The following NAV1 variants were observed in gnomAD, a reference collection of about 807,000 sequenced individuals.
NAV1 encodes pore membrane and/or filament interacting like protein 3.
Under a neutral mutation model 175.2 loss-of-function variants are expected in NAV1, and 18 were observed. The observed-to-expected ratio is 0.10, with a 90% confidence interval of 0.07 to 0.15. The LOEUF (loss-of-function observed/expected upper bound fraction) is 0.15. NAV1 is among the 10% of genes least tolerant of loss of function. NAV1 has a pLI of 1.00. For synonymous variants in NAV1, 897 were observed against 978.7 expected (o/e 0.92, Z 1.56); for missense variants, 1,731 against 2,436.6 (o/e 0.71, Z 6.10).
intron 1 of NAV1, among the ~76,000 whole-genome samples, chr1:201,582,572 C>G (rs1283380721): frequency 6.6e-6 from 1 of 152,188 alleles, no homozygotes; most frequent in Admixed American, 6.5e-5. Context: ...AATCAGCCAG[C>G]CAGCTCCCCC....
chr1:201,765,504 T>C (rs899989698), intron 3 of NAV1, among the ~76,000 whole-genome samples: 1 of 151,680 alleles, frequency 6.6e-6, no homozygotes, highest in Admixed American at 6.6e-5. Context: ...AAGCAATTCT[T>C]GTGCCTCAGC....
intron 1 of NAV1, among the ~76,000 whole-genome samples, chr1:201,540,289 G>T (rs892713896): frequency 6.6e-6 from 1 of 152,214 alleles, no homozygotes; most frequent in East Asian, 1.9e-4. Flanking sequence ...GCTGGCGCCG[G>T]CTTAAGGGAA....
chr1:201,783,313 GA>G, intron 6 of NAV1, 92 bp from the exon 11 acceptor site: 2 of 1,301,004 alleles, frequency 1.5e-6, no homozygotes, highest in Non-Finnish European at 2.1e-6. Flanking sequence ...CAAATAGGCA[GA>G]AAACAAGACT....
chr1:201,587,015 G>A (rs984240021), intron 1 of NAV1, among the ~76,000 whole-genome samples: 4 of 152,036 alleles, frequency 2.6e-5, no homozygotes, highest in African/African-American at 9.7e-5. Context: ...ACCAACTCTG[G>A]CAATATAGCA....
At chr1:201,562,685 C>T (rs751979929) in intron 1 of NAV1, among the ~76,000 whole-genome samples, 3 of 152,196 alleles carry the variant, frequency 2.0e-5, no homozygotes, top group Non-Finnish European at 2.9e-5. Context: ...TTAAGCAGGT[C>T]ATTCTAGGAC....
intron 3 of NAV1, among the ~76,000 whole-genome samples, chr1:201,742,975 T>C (rs528313169): frequency 6.6e-6 from 1 of 152,310 alleles, no homozygotes; most frequent in South Asian, 2.1e-4. Context: ...AATCACCTTT[T>C]CTCATTTTAA....
intron 1 of NAV1, among the ~76,000 whole-genome samples, chr1:201,683,153 C>T (rs1158802933): frequency 1.3e-5 from 2 of 152,110 alleles, no homozygotes; most frequent in African/African-American, 2.4e-5. Flanking sequence ...TCTTTGTTTT[C>T]GATGACCTTG....
chr1:201,811,038 C>T (rs1276738024), intron 24 of NAV1, among the ~76,000 whole-genome samples: 3 of 152,136 alleles, frequency 2.0e-5, no homozygotes, highest in Non-Finnish European at 4.4e-5. Context: ...CTTTTCCTTG[C>T]TTTGTGCACC....
At chr1:201,714,352 A>G (rs1177367744) in intron 2 of NAV1, among the ~76,000 whole-genome samples, 1 of 152,120 alleles carries the variant, frequency 6.6e-6, no homozygotes, top group Non-Finnish European at 1.5e-5. Flanking sequence ...CCTTCCTTGT[A>G]CTACTCCTCC....
chr1:201,620,615 C>T (rs1334704910), upstream of NAV1, among the ~76,000 whole-genome samples: 1 of 151,732 alleles, frequency 6.6e-6, no homozygotes, highest in Non-Finnish European at 1.5e-5. Flanking sequence ...TGTGCCACCA[C>T]GCCCAGCTAT....
At chr1:201,775,654 C>A (rs1017485291) in intron 3 of NAV1, among the ~76,000 whole-genome samples, 7 of 152,138 alleles carry the variant, frequency 4.6e-5, no homozygotes, top group Non-Finnish European at 8.8e-5. Flanking sequence ...ACCTGCCCCT[C>A]CAAATGAATG....
At chr1:201,642,263 A>G (rs1004982459) in intron 2 of NAV1, among the ~76,000 whole-genome samples, 149 of 143,500 alleles carry the variant, frequency 1.0e-3, no homozygotes, top group African/African-American at 3.5e-3. Flanking sequence ...CCCAGGCTGG[A>G]GTGCAGTGGC....
At chr1:201,703,269 G>A (rs1671520713) in intron 1 of NAV1, among the ~76,000 whole-genome samples, 1 of 152,222 alleles carries the variant, frequency 6.6e-6, no homozygotes, top group Non-Finnish European at 1.5e-5. Flanking sequence ...GGCCTGTTGG[G>A]GAACAGAGGG....
chr1:201,790,987 A>G, intron 13 of NAV1: 1 of 551,494 alleles, frequency 1.8e-6, no homozygotes, highest in Non-Finnish European at 3.2e-6. Flanking sequence ...ACTCTAATTA[A>G]TAGGTATGGA....
At chr1:201,620,816 A>T (rs1336268770), upstream of NAV1, among the ~76,000 whole-genome samples, 1 of 152,114 alleles carries the variant, frequency 6.6e-6, no homozygotes, top group East Asian at 1.9e-4. Flanking sequence ...ATTTTCTGCG[A>T]TATAGTACAT....
chr1:201,615,979 T>C (rs1165758697), intron 2 of NAV1, among the ~76,000 whole-genome samples: 1 of 151,934 alleles, frequency 6.6e-6, no homozygotes, highest in Non-Finnish European at 1.5e-5. Flanking sequence ...CCTGGGTACG[T>C]GGGATGGAGG....
At position 201,734,035 on chromosome 1, in the gene NAV1, G is replaced by A. The variant is rs368191993; in HGVS notation, c.1226+15280G>A. ...CAGGAAGCATGGAAGGGAGACTGCT[G>A]CAGTTAGCTAAGTGAGAATGGATGG... is the stretch of plus-strand genomic sequence containing the variant. On this transcript the variant is annotated intron_variant, in intron 3 of 29. Coordinates refer to ENST00000367296, the Ensembl canonical transcript of NAV1. 3.3e-5 allele frequency among the ~76,000 whole-genome samples: 5 copies of A among 152,302 alleles called. No homozygotes were observed. In the East Asian group the frequency reaches 5.8e-4, roughly 18 times the overall value.
intron 1 of NAV1, among the ~76,000 whole-genome samples, chr1:201,692,984 G>C (rs1375706949): frequency 6.6e-6 from 1 of 152,218 alleles, no homozygotes; most frequent in Non-Finnish European, 1.5e-5. Flanking sequence ...GGCAGGGCAG[G>C]AGAGAGAAGG....
At chr1:201,678,666 C>T (rs1339117604) in intron 1 of NAV1, among the ~76,000 whole-genome samples, 1 of 152,154 alleles carries the variant, frequency 6.6e-6, no homozygotes, top group Non-Finnish European at 1.5e-5. Flanking sequence ...ACCCAGCCTC[C>T]AACAAAAGAG....
Sources: allele counts gnomAD v4.1 joint callset (sites outside exome capture counted in the v4.1 genomes callset), GRCh38; gene constraint gnomAD v4.1.1; transcripts MANE v1.5; gene names NCBI Gene and HGNC (gene_info 2026-07-23, HGNC 2026-07-21).